The following DCLK1 variants were observed in gnomAD, a reference collection of about 807,000 sequenced individuals.
The protein encoded by DCLK1 is doublecortin like kinase 1, also known as serine/threonine-protein kinase DCLK1.
A neutral mutation model predicts 86.2 loss-of-function variants in DCLK1; 16 were observed. The ratio of observed to expected loss-of-function variants is 0.19; its 90% CI spans 0.13 to 0.28. The LOEUF (loss-of-function observed/expected upper bound fraction) is 0.28, where lower values mean the gene tolerates loss of function less well. Among genes scored for constraint, DCLK1 ranks in the 10% least tolerant of loss-of-function variants. The pLI is 1.00. For synonymous variants in DCLK1, 369 were observed against 370.5 expected, an observed-to-expected ratio of 1.00 and a Z score of 0.05; for missense variants, 590 against 940.2, an observed-to-expected ratio of 0.63 and a Z score of 4.87.
At chr13:35,846,377 T>G (rs1389691097) in intron 6 of DCLK1, 2 of 985,250 alleles carry the variant, frequency 2.0e-6, no homozygotes, top group African/African-American at 3.5e-5. Context: ...TCTTTGCCTA[T>G]AACTTTTAGA....
At chr13:36,071,074 T>C (rs1414345797) in intron 3 of DCLK1, among the ~76,000 whole-genome samples, 1 of 152,148 alleles carries the variant, frequency 6.6e-6, no homozygotes, top group Non-Finnish European at 1.5e-5. Flanking sequence ...TTTATATAAT[T>C]GCATAATAGA....
chr13:35,957,784 C>A (rs1034272743), intron 3 of DCLK1, among the ~76,000 whole-genome samples: 11 of 152,204 alleles, frequency 7.2e-5, no homozygotes, highest in Admixed American at 3.9e-4. Context: ...TACTTCTCTG[C>A]ATATATAACT....
Position 36,073,129 on chromosome 13 carries a change from G to A in DCLK1, c.723+38740C>T, listed in dbSNP as rs150685907. Among the ~76,000 whole-genome samples, 768 of 152,162 alleles carry A rather than the reference G, an allele frequency of 5.0e-3. 2 individuals are homozygous for A. Among genetic ancestry groups the A allele is most frequent in the African/African-American group, 0.018 (741 of 41,510 alleles). On this transcript the variant is annotated intron_variant, in intron 3 of 16. Transcript: ENST00000360631. ...GCCATAAAATTCACTCATTTTAATC[G>A]TATAATTCAATGATTTTTAGTAAAT...
chr13:35,847,095 T>A (rs1267038823), intron 6 of DCLK1: 2 of 980,278 alleles, frequency 2.0e-6, no homozygotes, highest in Non-Finnish European at 2.4e-6. Context: ...TAGAAAAAAA[T>A]CATAGTATTC....
At chr13:35,811,044 C>T in intron 11 of DCLK1, 76 bp from the exon 12 acceptor site, 1 of 1,583,808 alleles carries the variant, frequency 6.3e-7, no homozygotes. Flanking sequence ...ATGAGGAACA[C>T]TGTGTTTAAA....
chr13:35,855,004 C>T (rs1435600951), intron 5 of DCLK1, among the ~76,000 whole-genome samples: 2 of 152,152 alleles, frequency 1.3e-5, no homozygotes, highest in African/African-American at 4.8e-5. Flanking sequence ...AGTGACATTC[C>T]AGTGACCTGA....
chr13:35,832,058 C>T (rs572883328), intron 8 of DCLK1, among the ~76,000 whole-genome samples: 5 of 152,122 alleles, frequency 3.3e-5, no homozygotes, highest in East Asian at 1.9e-4. Context: ...TTTGAGAGGC[C>T]GAGGCAGGAG....
chr13:35,854,424 G>T (rs142668284), intron 6 of DCLK1, 75 bp downstream of exon 6: 2 of 1,220,746 alleles, frequency 1.6e-6, no homozygotes, highest in Non-Finnish European at 2.2e-6. Context: ...CGAGCAGCAC[G>T]ATTTGCTGGC....
intron 3 of DCLK1, among the ~76,000 whole-genome samples, chr13:35,963,247 A>G (rs889456757): frequency 2.6e-5 from 4 of 152,334 alleles, no homozygotes; most frequent in Non-Finnish European, 5.9e-5. Flanking sequence ...GAAACCTGCA[A>G]AGGGTGAACT....
chr13:36,050,513 C>G (rs544695096), intron 3 of DCLK1, among the ~76,000 whole-genome samples: 2 of 152,244 alleles, frequency 1.3e-5, no homozygotes, highest in South Asian at 4.2e-4. Context: ...TCACAAAATC[C>G]TAATTTGGTT....
At chr13:35,820,290 C>T (rs1477022295) in intron 11 of DCLK1, among the ~76,000 whole-genome samples, 6 of 152,084 alleles carry the variant, frequency 3.9e-5, no homozygotes, top group African/African-American at 7.2e-5. Flanking sequence ...AATAAAATCT[C>T]GTTAGTTTTT....
At chr13:35,961,786 G>A (rs1878475987) in intron 3 of DCLK1, among the ~76,000 whole-genome samples, 2 of 152,116 alleles carry the variant, frequency 1.3e-5, no homozygotes, top group East Asian at 1.9e-4. Context: ...GTTATTCAAC[G>A]CAAATCTCAA....
At position 35,768,950 on chromosome 13, in the gene DCLK1, C is replaced by T. The variant is rs896947239; in HGVS notation, c.*5585G>A. ...CCAATATGGCAAATGAACTGAGGAG[C>T]GTACCCTTCAGCTAAGGTATTATGT... On this transcript the variant is annotated 3_prime_UTR_variant, in exon 17 of 17. Coordinates refer to ENST00000360631, the MANE Select transcript of DCLK1 (RefSeq NM_001330071.2). The T allele has an allele frequency of 6.6e-6, 1 of 152,112 alleles. No homozygotes were observed. Among genetic ancestry groups the T allele is most frequent in the African/African-American group, 2.4e-5 (1 of 41,420 alleles). The allele number at this position is 152,112 out of a possible 1,614,324, so 9.4% of individuals were successfully genotyped here.
chr13:35,792,367 T>G (rs1236128192), intron 16 of DCLK1, among the ~76,000 whole-genome samples: 1 of 149,936 alleles, frequency 6.7e-6, no homozygotes, highest in Non-Finnish European at 1.5e-5. Context: ...TTATCTTCAG[T>G]TTTTTTTTAG....
chr13:35,849,341 T>C, intron 6 of DCLK1: 1 of 985,134 alleles, frequency 1.0e-6, no homozygotes, highest in Non-Finnish European at 1.2e-6. Flanking sequence ...ATTTAAAAAT[T>C]GTTTTCAAGT....
intron 7 of DCLK1, among the ~76,000 whole-genome samples, chr13:35,836,403 G>A (rs527720197): frequency 1.6e-4 from 25 of 152,288 alleles, no homozygotes; most frequent in South Asian, 6.2e-4. Flanking sequence ...TTCTGATGCC[G>A]TAGGGATTCT....
intron 4 of DCLK1, among the ~76,000 whole-genome samples, chr13:35,881,439 T>C (rs1872895757): frequency 6.6e-6 from 1 of 152,130 alleles, no homozygotes; most frequent in Admixed American, 6.5e-5. Flanking sequence ...CTTTTTTTCT[T>C]CTCTAAAGCA....
chr13:36,052,952 G>T (rs1883179208), intron 3 of DCLK1, among the ~76,000 whole-genome samples: 1 of 152,112 alleles, frequency 6.6e-6, no homozygotes. Flanking sequence ...GAGCTTCTTT[G>T]AGGATGGGGT....
chr13:36,103,415 A>T (rs370536823), intron 3 of DCLK1, among the ~76,000 whole-genome samples: 1 of 151,874 alleles, frequency 6.6e-6, no homozygotes, highest in Non-Finnish European at 1.5e-5. Flanking sequence ...AAAAAAAAAA[A>T]AAAAAAAAAG....
Sources: gnomAD v4.1 joint callset for allele counts (sites outside exome capture counted in the v4.1 genomes callset) on GRCh38, gnomAD v4.1.1 for gene constraint, MANE v1.5 for transcripts, NCBI Gene and HGNC (gene_info 2026-07-23, HGNC 2026-07-21) for gene names.